Variants in DPP8 observed in about 807,000 individuals in gnomAD.
DPP8 encodes DPP VIII.
DPP8 carries 31 observed loss-of-function variants against 107.5 expected under a neutral mutation model. That is an observed-to-expected ratio of 0.29 (90% CI 0.22 to 0.39). The LOEUF (loss-of-function observed/expected upper bound fraction) is 0.39, where lower values mean the gene tolerates loss of function less well. Ranked by LOEUF, DPP8 falls within the 10% of genes least tolerant of loss-of-function variation. The pLI is 1.00. For synonymous variants in DPP8, 381 were observed against 356.6 expected (o/e 1.07, Z -0.77); for missense variants, 842 against 1,076.1 (o/e 0.78, Z 3.04).
chr15:65,487,353 T>C (rs1189607603), intron 7 of DPP8, among the ~76,000 whole-genome samples: 1 of 152,158 alleles, frequency 6.6e-6, no homozygotes, highest in East Asian at 1.9e-4. Context: ...TTCACCATGT[T>C]GGTCAGGCTG....
In DPP8 at chr15:65,517,613, C is replaced by T. The variant is rs981164292; in HGVS notation, c.-139G>A. 7 of 152,620 alleles carry T rather than the reference C, an allele frequency of 4.6e-5. No individual in the cohort carries two copies. The highest frequency in any genetic ancestry group is 7.2e-5 in the African/African-American group (3 of 41,488). 9.5% of individuals were successfully genotyped at this position (152,620 alleles called of 1,614,324 possible). On this transcript the variant is annotated 5_prime_UTR_variant, in exon 1 of 20. Coordinates refer to ENST00000300141, the MANE Select transcript of DPP8 (RefSeq NM_130434.5). ...TCCTCGGCGGCGGCGCCGGTGACAACCCAGGCGGCGAACGCGGCACTAAGA... is the reference window on the plus strand; with the variant it reads ...TCCTCGGCGGCGGCGCCGGTGACAATCCAGGCGGCGAACGCGGCACTAAGA...
rs1290518176 is a variant in DPP8 at position 65,452,011 on chromosome 15, T to G, written c.2363A>C (p.Gln788Pro). ...GGCCACAGATCCTAAGTAATAGCCC[T>G]GTTCATTCTGGTCAGGGTGACCCAT... is the stretch of plus-strand genomic sequence containing the variant. The part of the protein sequence containing the change: ...RYMGHPDQNE[Q>P]GYYLGSVAMQ... Residue 788 changes from glutamine (Q) to proline (P), a missense_variant, in exon 18 of 20, where the codon CAG becomes CCG. This residue lies in a region of DPP8 where 179 missense variants were observed against 318.0 expected (regional missense o/e 0.56). Transcript: ENST00000300141. 3 of 1,612,984 alleles carry G rather than the reference T, an allele frequency of 1.9e-6. No homozygotes were observed. Among genetic ancestry groups the G allele is most frequent in the African/African-American group, 2.7e-5 (2 of 74,698 alleles).
Position 65,463,622 on chromosome 15 carries a change from T to C in DPP8, c.1971+139A>G, listed in dbSNP as rs958890393. ...TTTCCTGACCCCCTAAACTGAATAA[T>C]TGGAATATAAGACGGAGTCATTAAA... On this transcript the variant is annotated intron_variant, in intron 15 of 19. Coordinates refer to ENST00000300141, the MANE Select transcript of DPP8 (RefSeq NM_130434.5). The C allele has an allele frequency of 9.2e-5, 58 of 627,218 alleles. No individual in the cohort carries two copies. In the African/African-American group the frequency reaches 9.3e-4, roughly 10 times the overall value. 38.9% of individuals were successfully genotyped at this position (627,218 alleles called of 1,614,324 possible).
At chr15:65,451,758 C>T (rs2063992763) in intron 18 of DPP8, among the ~76,000 whole-genome samples, 1 of 151,778 alleles carries the variant, frequency 6.6e-6, no homozygotes, top group Admixed American at 6.6e-5. Context: ...AACCCTGACT[C>T]TACTAAAAAT....
chr15:65,476,682 C>G (rs1379867285), intron 11 of DPP8, among the ~76,000 whole-genome samples: 1 of 152,110 alleles, frequency 6.6e-6, no homozygotes, highest in African/African-American at 2.4e-5. Context: ...CCAGAAATTC[C>G]ACTTTTGAGT....
At chr15:65,455,294 A>G in intron 16 of DPP8, 1 of 155,968 alleles carries the variant, frequency 6.4e-6, no homozygotes, top group South Asian at 1.9e-4. Context: ...CACCATGCCC[A>G]GCTAATTTTT....
chr15:65,466,849 G>A (rs764921113), intron 13 of DPP8, 36 bp from the exon 14 acceptor site: 10 of 1,599,842 alleles, frequency 6.3e-6, no homozygotes, highest in Non-Finnish European at 8.5e-6. Context: ...TTTTCGTCAG[G>A]AAGGTAGAAA....
chr15:65,500,871 CTCTT>C, intron 3 of DPP8, 92 bp from the exon 4 acceptor site: 4 of 544,866 alleles, frequency 7.3e-6, no homozygotes, highest in Non-Finnish European at 1.2e-5. Flanking sequence ...ACATTATTGA[CTCTT>C]TTTTTTTTTT....
chr15:65,478,533 T>C (rs1457942158), intron 11 of DPP8, among the ~76,000 whole-genome samples: 1 of 152,226 alleles, frequency 6.6e-6, no homozygotes, highest in African/African-American at 2.4e-5. Flanking sequence ...GTGCTGGGAT[T>C]ATAGGTGTGA....
chr15:65,465,691 G>A (rs769346647), intron 14 of DPP8, among the ~76,000 whole-genome samples: 1 of 151,766 alleles, frequency 6.6e-6, no homozygotes, highest in Admixed American at 6.6e-5. Flanking sequence ...GAGTAGCTGG[G>A]ACTACAGGCG....
chr15:65,473,081 C>A (rs1378745302), intron 12 of DPP8, among the ~76,000 whole-genome samples: 1 of 151,848 alleles, frequency 6.6e-6, no homozygotes, highest in Non-Finnish European at 1.5e-5. Context: ...TGGCTCACAC[C>A]TGGGAGGTGG....
At chr15:65,488,603 C>CAAAA (rs1166493197) in intron 6 of DPP8, among the ~76,000 whole-genome samples, 18 of 45,272 alleles carry the variant, frequency 4.0e-4, no homozygotes, top group African/African-American at 1.3e-3. Context: ...GACCCTGCCT[C>CAAAA]AAAAAAAAAA....
chr15:65,448,865 AATATATATATATATATATAT>A (rs58549410), intron 19 of DPP8, among the ~76,000 whole-genome samples: 1,176 of 53,220 alleles, frequency 0.022, 44 homozygotes, highest in Admixed American at 0.037. Flanking sequence ...ATATATCTAA[AATATATATATATATATATAT>A]ATATATATAT....
At chr15:65,476,231 TA>T (rs2066378928) in intron 11 of DPP8, among the ~76,000 whole-genome samples, 1 of 152,196 alleles carries the variant, frequency 6.6e-6, no homozygotes, top group Non-Finnish European at 1.5e-5. Flanking sequence ...GGGTTCCACG[TA>T]AGTTTAAAAA....
intron 5 of DPP8, 129 bp downstream of exon 5, chr15:65,497,735 A>C: frequency 1.5e-6 from 1 of 674,110 alleles, no homozygotes; most frequent in Non-Finnish European, 2.2e-6. Flanking sequence ...CATTTTTTAA[A>C]AATTTTAAAG....
intron 8 of DPP8, 86 bp from the exon 9 acceptor site, chr15:65,481,701 A>AGGCCGGGCGCGGTGGCTC: frequency 1.2e-6 from 1 of 820,346 alleles, no homozygotes; most frequent in Non-Finnish European, 1.8e-6. Context: ...AATTTATCCA[A>AGGCCGGGCGCGGTGGCTC]AAAGCAGAAA....
intron 8 of DPP8, among the ~76,000 whole-genome samples, chr15:65,483,260 C>T (rs2067095685): frequency 6.6e-6 from 1 of 152,078 alleles, no homozygotes; most frequent in Non-Finnish European, 1.5e-5. Flanking sequence ...TGTGGTGGCT[C>T]ACACCTGTAA....
chr15:65,489,049 C>T (rs916389256), intron 6 of DPP8, among the ~76,000 whole-genome samples: 5 of 152,180 alleles, frequency 3.3e-5, no homozygotes, highest in African/African-American at 1.2e-4. Flanking sequence ...CAATCTCCAC[C>T]TCCCGGGTTC....
intron 15 of DPP8, among the ~76,000 whole-genome samples, chr15:65,462,858 C>T (rs1241309370): frequency 1.3e-5 from 2 of 152,136 alleles, no homozygotes; most frequent in African/African-American, 2.4e-5. Context: ...GGATTACAGG[C>T]GTGAGCCACT....
Sources: gnomAD v4.1 joint callset for allele counts (sites outside exome capture counted in the v4.1 genomes callset) on GRCh38, gnomAD v4.1.1 for gene constraint, gnomAD v4.1.1 regional missense constraint, MANE v1.5 for transcripts, NCBI Gene and HGNC (gene_info 2026-07-23, HGNC 2026-07-21) for gene names.